The following NKAIN2 variants were observed in gnomAD, a reference collection of about 807,000 sequenced individuals.
NKAIN2 encodes the protein sodium/potassium-transporting ATPase subunit beta-1-interacting protein 2.
In NKAIN2, 14 loss-of-function variants were observed where a neutral mutation model predicts 32.6. That is an observed-to-expected ratio of 0.43 (90% CI 0.28 to 0.67). The LOEUF (loss-of-function observed/expected upper bound fraction) is 0.67. NKAIN2 is among the 30% of genes least tolerant of loss of function. The probability of loss-of-function intolerance (pLI) is 0.17; values close to 1 mark genes in which losing one functional copy is unlikely to be tolerated. For missense variants in NKAIN2, 198 were observed against 258.3 expected, an observed-to-expected ratio of 0.77 and a Z score of 1.60; for synonymous variants, 80 against 87.2, an observed-to-expected ratio of 0.92 and a Z score of 0.46.
intron 3 of NKAIN2, among the ~76,000 whole-genome samples, chr6:124,498,224 A>G (rs1460156463): frequency 6.6e-6 from 1 of 152,166 alleles, no homozygotes; most frequent in East Asian, 1.9e-4. Context: ...AGGGAGACCC[A>G]GGTGGAAAGA....
At chr6:123,890,115 G>T (rs1204521659) in intron 1 of NKAIN2, among the ~76,000 whole-genome samples, 3 of 151,850 alleles carry the variant, frequency 2.0e-5, no homozygotes, top group African/African-American at 7.3e-5. Context: ...TCTCATACTG[G>T]CTTAAAAAAT....
At chr6:124,303,743 A>G (rs1796393660) in intron 2 of NKAIN2, among the ~76,000 whole-genome samples, 1 of 152,232 alleles carries the variant, frequency 6.6e-6, no homozygotes, top group Non-Finnish European at 1.5e-5. Context: ...TAAAGGGTTA[A>G]TAAAAGGGGA....
chr6:124,000,938 A>C (rs1341446533), intron 1 of NKAIN2, among the ~76,000 whole-genome samples: 5 of 152,072 alleles, frequency 3.3e-5, no homozygotes, highest in African/African-American at 9.7e-5. Flanking sequence ...TAGTCTGTAA[A>C]AGCAGTACGT....
At chr6:124,463,773 A>G (rs1475862937) in intron 3 of NKAIN2, among the ~76,000 whole-genome samples, 2 of 152,002 alleles carry the variant, frequency 1.3e-5, no homozygotes, top group African/African-American at 4.8e-5. Flanking sequence ...TTATTTAAAG[A>G]TTGCTTTGTG....
intron 1 of NKAIN2, among the ~76,000 whole-genome samples, chr6:123,837,500 A>C (rs1332490401): frequency 6.6e-6 from 1 of 152,120 alleles, no homozygotes; most frequent in Non-Finnish European, 1.5e-5. Context: ...CCAGAATCCA[A>C]CTACTTCTCA....
At chr6:124,128,324 A>G (rs1786285400) in intron 1 of NKAIN2, among the ~76,000 whole-genome samples, 1 of 152,204 alleles carries the variant, frequency 6.6e-6, no homozygotes, top group Non-Finnish European at 1.5e-5. Context: ...AGCACTTACA[A>G]TTTCGCTAGT....
intron 1 of NKAIN2, among the ~76,000 whole-genome samples, chr6:124,186,482 G>A (rs559323043): frequency 6.6e-6 from 1 of 152,164 alleles, no homozygotes; most frequent in South Asian, 2.1e-4. Flanking sequence ...TGAACCTTGA[G>A]AGAATATCAG....
intron 4 of NKAIN2, 91 bp downstream of exon 4, chr6:124,658,477 T>C: frequency 6.3e-7 from 1 of 1,592,822 alleles, no homozygotes; most frequent in Non-Finnish European, 8.5e-7. Flanking sequence ...AATCTGTGGG[T>C]AAAGTGTGGC....
chr6:124,781,246 T>C (rs1779251371), intron 4 of NKAIN2, among the ~76,000 whole-genome samples: 1 of 152,132 alleles, frequency 6.6e-6, no homozygotes, highest in Non-Finnish European at 1.5e-5. Flanking sequence ...TCAAGTCCTC[T>C]CATTATGTCT....
intron 1 of NKAIN2, among the ~76,000 whole-genome samples, chr6:124,150,439 ATATTT>A (rs1787653272): frequency 6.6e-6 from 1 of 152,134 alleles, no homozygotes; most frequent in Non-Finnish European, 1.5e-5. Context: ...TATTTTATAA[ATATTT>A]TATTTTACAA....
chr6:124,264,580 A>G (rs1794402836), intron 1 of NKAIN2, among the ~76,000 whole-genome samples: 1 of 152,228 alleles, frequency 6.6e-6, no homozygotes. Flanking sequence ...TAAAATAGAT[A>G]TAAGACCTCC....
intron 3 of NKAIN2, among the ~76,000 whole-genome samples, chr6:124,554,289 C>T (rs1780395493): frequency 6.6e-6 from 1 of 152,174 alleles, no homozygotes; most frequent in South Asian, 2.1e-4. Flanking sequence ...AGAAGACTTG[C>T]TACAGTTTTT....
chr6:123,989,657 A>G (rs1184635973), intron 1 of NKAIN2, among the ~76,000 whole-genome samples: 1 of 152,154 alleles, frequency 6.6e-6, no homozygotes, highest in Non-Finnish European at 1.5e-5. Context: ...TCTTTTAATA[A>G]TTTTAATGGT....
intron 4 of NKAIN2, among the ~76,000 whole-genome samples, chr6:124,729,790 G>C (rs1027630667): frequency 6.6e-6 from 1 of 151,924 alleles, no homozygotes; most frequent in African/African-American, 2.4e-5. Flanking sequence ...CAGATGACAT[G>C]ATTGTATATC....
At chr6:124,686,427 G>A (rs141655539) in intron 4 of NKAIN2, among the ~76,000 whole-genome samples, 191 of 152,158 alleles carry the variant, frequency 1.3e-3, no homozygotes, top group East Asian at 3.1e-3. Context: ...CAAAAAGGGA[G>A]CAAACACCCG....
chr6:124,667,552 T>TA (rs1041979628), intron 4 of NKAIN2, among the ~76,000 whole-genome samples: 2 of 152,132 alleles, frequency 1.3e-5, no homozygotes, highest in Admixed American at 1.3e-4. Flanking sequence ...TTCTTCATAA[T>TA]ACTGTATATA....
intron 3 of NKAIN2, among the ~76,000 whole-genome samples, chr6:124,595,029 T>C (rs1329454903): frequency 1.3e-5 from 2 of 152,042 alleles, no homozygotes; most frequent in Admixed American, 1.3e-4. Flanking sequence ...GAGGTTGTGT[T>C]GGAAGTTTAA....
chr6:124,012,595 A>C (rs979290279), intron 1 of NKAIN2, among the ~76,000 whole-genome samples: 9 of 152,126 alleles, frequency 5.9e-5, no homozygotes, highest in African/African-American at 1.9e-4. Flanking sequence ...CGGCCTCCCA[A>C]AGTGCTAGGA....
At chr6:124,188,654 A>T (rs1789866308) in intron 1 of NKAIN2, among the ~76,000 whole-genome samples, 1 of 152,176 alleles carries the variant, frequency 6.6e-6, no homozygotes, top group Non-Finnish European at 1.5e-5. Context: ...TGTTTCCTAA[A>T]TAGCAGTTTT....
Sources: gnomAD v4.1 joint callset for allele counts (sites outside exome capture counted in the v4.1 genomes callset) on GRCh38, gnomAD v4.1.1 for gene constraint, MANE v1.5 for transcripts, NCBI Gene and HGNC (gene_info 2026-07-23, HGNC 2026-07-21) for gene names.